THSD7B: variants seen among roughly 807,000 people sequenced by gnomAD.
THSD7B encodes thrombospondin type-1 domain-containing protein 7B.
A neutral mutation model predicts 213.6 loss-of-function variants in THSD7B; 138 were observed. That is an observed-to-expected ratio of 0.65 (90% CI 0.56 to 0.74). The LOEUF (loss-of-function observed/expected upper bound fraction) is 0.74. Among genes scored for constraint, THSD7B ranks in the 30% least tolerant of loss-of-function variants. THSD7B has a pLI of 0.00. For missense variants in THSD7B, 1,931 were observed against 1,991.5 expected (o/e 0.97, Z 0.58); for synonymous variants, 742 against 687.0 (o/e 1.08, Z -1.25).
chr2:137,533,239 A>G (rs1261544980), intron 15 of THSD7B, among the ~76,000 whole-genome samples: 1 of 151,872 alleles, frequency 6.6e-6, no homozygotes, highest in Non-Finnish European at 1.5e-5. Context: ...CTCTCGTATC[A>G]GAAATGTTCC....
At chr2:137,092,071 A>G (rs185122298) in intron 3 of THSD7B, among the ~76,000 whole-genome samples, 2 of 152,320 alleles carry the variant, frequency 1.3e-5, no homozygotes, top group African/African-American at 4.8e-5. Flanking sequence ...ACAATGAGAC[A>G]CTGCGCTTTT....
chr2:137,214,351 C>T (rs1681186628), intron 7 of THSD7B, among the ~76,000 whole-genome samples: 1 of 152,034 alleles, frequency 6.6e-6, no homozygotes, highest in Non-Finnish European at 1.5e-5. Flanking sequence ...AACATTAACT[C>T]TAATAAGCAT....
intron 12 of THSD7B, among the ~76,000 whole-genome samples, chr2:137,297,793 C>T (rs2375459): frequency 0.27 from 41,283 of 152,036 alleles, 5,913 homozygotes; most frequent in South Asian, 0.45. Flanking sequence ...TCTCTCTTGC[C>T]GCTGCCATGT....
At chr2:137,164,797 G>T (rs192131835) in intron 6 of THSD7B, among the ~76,000 whole-genome samples, 2 of 152,082 alleles carry the variant, frequency 1.3e-5, no homozygotes, top group South Asian at 2.1e-4. Context: ...ACCAAACACC[G>T]CATATTCTCA....
At position 137,391,287 on chromosome 2, in the gene THSD7B, T is replaced by G. The variant is rs563820511; in HGVS notation, c.2501-14326T>G. Among the ~76,000 whole-genome samples the G allele has an allele frequency of 1.2e-4, 18 of 152,354 alleles. No individual in the cohort carries two copies. In the East Asian group the frequency reaches 3.3e-3, roughly 28 times the overall value. On this transcript the variant is annotated intron_variant, in intron 12 of 27. Transcript: ENST00000409968. The stretch of plus-strand genomic sequence containing the variant: ...AGTCTCTGTTGATCTTTTGTATTTC[T>G]GTGGTATCAGTTGTTATGTCCCTTT...
chr2:137,309,811 C>T (rs1357002991), intron 12 of THSD7B, among the ~76,000 whole-genome samples: 1 of 152,078 alleles, frequency 6.6e-6, no homozygotes, highest in East Asian at 1.9e-4. Flanking sequence ...CCAATTTCAT[C>T]CATGTCCCTA....
chr2:136,845,572 G>A (rs1682995036), intron 1 of THSD7B, among the ~76,000 whole-genome samples: 1 of 152,116 alleles, frequency 6.6e-6, no homozygotes, highest in Admixed American at 6.6e-5. Flanking sequence ...CATAACTGAG[G>A]CAGGTACAAG....
chr2:137,494,436 A>G (rs1679512611), intron 15 of THSD7B, among the ~76,000 whole-genome samples: 1 of 152,106 alleles, frequency 6.6e-6, no homozygotes, highest in Admixed American at 6.5e-5. Context: ...TCAAGGACAG[A>G]AAAAAAGAAA....
intron 12 of THSD7B, among the ~76,000 whole-genome samples, chr2:137,390,606 G>A (rs1354484063): frequency 1.3e-5 from 2 of 152,054 alleles, no homozygotes; most frequent in African/African-American, 2.4e-5. Flanking sequence ...TCCTTGTCTT[G>A]TTCTAGTTCT....
chr2:137,657,502 T>A (rs1445181121), intron 24 of THSD7B, among the ~76,000 whole-genome samples: 1 of 152,186 alleles, frequency 6.6e-6, no homozygotes, highest in South Asian at 2.1e-4. Flanking sequence ...TCTTAGCATG[T>A]GTGTGTGCAG....
chr2:137,313,253 A>G (rs1573954130), intron 12 of THSD7B, among the ~76,000 whole-genome samples: 1 of 152,030 alleles, frequency 6.6e-6, no homozygotes, highest in Non-Finnish European at 1.5e-5. Flanking sequence ...TCCCTTTACT[A>G]TTATGTAATG....
intron 2 of THSD7B, among the ~76,000 whole-genome samples, chr2:136,989,337 G>C (rs1685723643): frequency 6.6e-6 from 1 of 152,170 alleles, no homozygotes; most frequent in Admixed American, 6.5e-5. Flanking sequence ...TGAATGGCTT[G>C]GTGCTGTCCT....
intron 2 of THSD7B, among the ~76,000 whole-genome samples, chr2:137,003,583 G>A (rs1686043023): frequency 6.6e-6 from 1 of 152,102 alleles, no homozygotes; most frequent in Non-Finnish European, 1.5e-5. Flanking sequence ...AAATCATTGC[G>A]AGAAATGGTT....
intron 12 of THSD7B, among the ~76,000 whole-genome samples, chr2:137,362,098 A>T (rs1405130313): frequency 6.6e-6 from 1 of 152,196 alleles, no homozygotes; most frequent in African/African-American, 2.4e-5. Flanking sequence ...TAAAGAAAAG[A>T]ATTTTCAACC....
chr2:137,382,079 G>A (rs1414635219), intron 12 of THSD7B, among the ~76,000 whole-genome samples: 1 of 152,170 alleles, frequency 6.6e-6, no homozygotes, highest in African/African-American at 2.4e-5. Context: ...TGGACCACTT[G>A]ACGATTGAAT....
chr2:137,335,315 C>T (rs944228556), intron 12 of THSD7B, among the ~76,000 whole-genome samples: 1 of 152,174 alleles, frequency 6.6e-6, no homozygotes, highest in Non-Finnish European at 1.5e-5. Flanking sequence ...AATGAAGGCA[C>T]TGACTGTTAG....
intron 1 of THSD7B, among the ~76,000 whole-genome samples, chr2:136,851,786 T>C (rs1174926344): frequency 6.6e-6 from 1 of 152,134 alleles, no homozygotes; most frequent in Non-Finnish European, 1.5e-5. Flanking sequence ...GTAATTCATA[T>C]TGGCTAAGCT....
At chr2:137,127,778 C>T (rs541463943) in intron 5 of THSD7B, among the ~76,000 whole-genome samples, 17 of 152,094 alleles carry the variant, frequency 1.1e-4, no homozygotes, top group Admixed American at 5.9e-4. Context: ...ATTAGCCAGG[C>T]GTGGTGGTGC....
chr2:136,853,052 ATGTGCATGTGTGTGTATGTGTT>A, intron 1 of THSD7B, among the ~76,000 whole-genome samples: 1 of 151,462 alleles, frequency 6.6e-6, no homozygotes, highest in Admixed American at 6.6e-5. Flanking sequence ...GTGTGTGTGC[ATGTGCATGTGTGTGTATGTGTT>A]CATGTGCGTG....
Sources: allele counts gnomAD v4.1 joint callset (sites outside exome capture counted in the v4.1 genomes callset), GRCh38; gene constraint gnomAD v4.1.1; transcripts MANE v1.5; gene names NCBI Gene and HGNC (gene_info 2026-07-23, HGNC 2026-07-21).